The following XKR4 variants were observed in gnomAD, a reference collection of about 807,000 sequenced individuals.
XKR4 encodes the protein XK related 4.
XKR4 carries 12 observed loss-of-function variants against 53.9 expected under a neutral mutation model. That is an observed-to-expected ratio of 0.22 (90% CI 0.14 to 0.36). The LOEUF (loss-of-function observed/expected upper bound fraction) is 0.36. XKR4 is among the 10% of genes least tolerant of loss of function. XKR4 has a pLI of 1.00. For missense variants in XKR4, 799 were observed against 859.5 expected (o/e 0.93, Z 0.88); for synonymous variants, 354 against 362.4 (o/e 0.98, Z 0.26).
At chr8:55,368,619 G>A (rs937700214) in intron 2 of XKR4, among the ~76,000 whole-genome samples, 11 of 152,044 alleles carry the variant, frequency 7.2e-5, no homozygotes, top group African/African-American at 1.9e-4. Context: ...CTTACTCTGC[G>A]TGATTTTCTC....
intron 1 of XKR4, 149 bp from the exon 2 acceptor site, chr8:55,357,529 T>G: frequency 1.3e-6 from 1 of 747,654 alleles, no homozygotes; most frequent in East Asian, 2.7e-5. Flanking sequence ...CTTAAGCAGT[T>G]AACTTTGGAC....
chr8:55,102,709 C>A lies in XKR4; in HGVS notation c.221C>A (p.Ser74Tyr). The A allele has an allele frequency of 8.7e-7, 1 of 1,151,476 alleles. No individual in the cohort carries two copies. Among genetic ancestry groups the A allele is most frequent in the Non-Finnish European group, 1.1e-6 (1 of 934,302 alleles). 71.3% of individuals were successfully genotyped at this position (1,151,476 alleles called of 1,614,324 possible). ...TGCTGCTGCGCCGGGAGTGGCGGCT[C>A]CGCGGGCTCGGGCGGCTCCGGCGGC... is the stretch of plus-strand genomic sequence containing the variant. The part of the protein sequence containing the change: ...CCCCCAGSGG[S>Y]AGSGGSGGVA... Residue 74 changes from serine to tyrosine, a missense_variant, in exon 1 of 3, where the codon TCC becomes TAC. This residue lies in a region of XKR4 where 476 missense variants were observed against 505.4 expected (regional missense o/e 0.94). Coordinates refer to ENST00000327381, the MANE Select transcript of XKR4 (RefSeq NM_052898.2). The surrounding 1 kb of genome is among the most constrained non-coding windows in gnomAD (Gnocchi z 5.1).
chr8:55,421,881 G>T (rs202147191), intron 2 of XKR4, among the ~76,000 whole-genome samples: 1 of 152,188 alleles, frequency 6.6e-6, no homozygotes, highest in East Asian at 1.9e-4. Context: ...GTAGGGCTCA[G>T]AACAAAACGT....
At chr8:55,377,081 G>A (rs1480091057) in intron 2 of XKR4, among the ~76,000 whole-genome samples, 5 of 152,096 alleles carry the variant, frequency 3.3e-5, no homozygotes, top group Non-Finnish European at 4.4e-5. Context: ...GATGACAATG[G>A]CACTTGTCCC....
At chr8:55,162,612 T>C (rs530452700) in intron 1 of XKR4, among the ~76,000 whole-genome samples, 1 of 152,356 alleles carries the variant, frequency 6.6e-6, no homozygotes, top group East Asian at 1.9e-4. Flanking sequence ...TTGTTACTTT[T>C]AAAGCCAGGG....
chr8:55,373,476 A>G lies in XKR4; in HGVS notation c.1006+15599A>G, dbSNP rs190416229. ...ACCACCGCACCTGGCCAACACTCCAAAAATATTTTAAACATCCATAGTATT... is the reference window on the plus strand; with the variant it reads ...ACCACCGCACCTGGCCAACACTCCAGAAATATTTTAAACATCCATAGTATT... On this transcript the variant is annotated intron_variant, in intron 2 of 2. Transcript: ENST00000327381. 3.4e-4 allele frequency among the ~76,000 whole-genome samples: 52 copies of G among 152,342 alleles called. 1 individual carries two copies. The highest frequency in any genetic ancestry group is 3.3e-3 in the Admixed American group (51 of 15,308).
At chr8:55,171,799 C>T (rs986122074) in intron 1 of XKR4, among the ~76,000 whole-genome samples, 12 of 152,064 alleles carry the variant, frequency 7.9e-5, no homozygotes, top group African/African-American at 1.4e-4. Flanking sequence ...CCAGTATCCC[C>T]GAGCTACATT....
chr8:55,195,873 G>T (rs538371799), intron 1 of XKR4, among the ~76,000 whole-genome samples: 7 of 152,304 alleles, frequency 4.6e-5, no homozygotes, highest in African/African-American at 1.7e-4. Context: ...CAATACCACA[G>T]CTCAGGCCAC....
intron 1 of XKR4, among the ~76,000 whole-genome samples, chr8:55,170,786 A>G (rs1338560760): frequency 6.6e-6 from 1 of 152,168 alleles, no homozygotes; most frequent in Non-Finnish European, 1.5e-5. Flanking sequence ...CTTAGGCCCC[A>G]CAGTTTGAGT....
intron 2 of XKR4, among the ~76,000 whole-genome samples, chr8:55,408,222 CT>C (rs1804716059): frequency 6.6e-6 from 1 of 152,320 alleles, no homozygotes; most frequent in Admixed American, 6.5e-5. Flanking sequence ...ACCACCAGCT[CT>C]TTTATCTCAT....
chr8:55,205,598 C>A (rs1375586301), intron 1 of XKR4, among the ~76,000 whole-genome samples: 1 of 152,132 alleles, frequency 6.6e-6, no homozygotes, highest in Non-Finnish European at 1.5e-5. Context: ...AAAAATGTGA[C>A]CTAGAAAAAT....
intron 2 of XKR4, among the ~76,000 whole-genome samples, chr8:55,500,181 CAAAAA>C (rs36233927): frequency 8.7e-6 from 1 of 115,586 alleles, no homozygotes; most frequent in African/African-American, 4.0e-5. Context: ...CAAATTGGGC[CAAAAA>C]AAAAAAAAAA....
intron 1 of XKR4, among the ~76,000 whole-genome samples, chr8:55,236,466 A>T (rs2129367614): frequency 6.6e-6 from 1 of 152,288 alleles, no homozygotes; most frequent in South Asian, 2.1e-4. Context: ...TGTGAAGGGA[A>T]TCACCTGTGC....
At chr8:55,402,378 C>T (rs562717947) in intron 2 of XKR4, among the ~76,000 whole-genome samples, 131 of 152,282 alleles carry the variant, frequency 8.6e-4, no homozygotes, top group African/African-American at 2.9e-3. Flanking sequence ...GTCTTAGTGA[C>T]GTTGCTTTAA....
intron 2 of XKR4, among the ~76,000 whole-genome samples, chr8:55,400,157 G>A (rs900600111): frequency 1.3e-5 from 2 of 152,168 alleles, no homozygotes; most frequent in Non-Finnish European, 2.9e-5. Context: ...CCACACATAA[G>A]TCCACTTTCC....
chr8:55,172,147 G>C (rs1179708105), intron 1 of XKR4, among the ~76,000 whole-genome samples: 8 of 151,732 alleles, frequency 5.3e-5, no homozygotes, highest in Non-Finnish European at 1.0e-4. Flanking sequence ...CCAGGTTGTC[G>C]GGGGTGGCTG....
intron 2 of XKR4, among the ~76,000 whole-genome samples, chr8:55,480,085 A>C (rs566166913): frequency 6.6e-6 from 1 of 152,346 alleles, no homozygotes; most frequent in South Asian, 2.1e-4. Flanking sequence ...AAAGCCTGGC[A>C]GAGACACCAA....
intron 2 of XKR4, among the ~76,000 whole-genome samples, chr8:55,474,833 G>T (rs2129400475): frequency 6.6e-6 from 1 of 152,208 alleles, no homozygotes; most frequent in South Asian, 2.1e-4. Context: ...TGGACACCCA[G>T]GCACCACATT....
At position 55,378,115 on chromosome 8, in the gene XKR4, CTTG is replaced by C. The variant is rs370688657; in HGVS notation, c.1006+20244_1006+20246del. On this transcript the variant is annotated intron_variant, in intron 2 of 2. Coordinates refer to ENST00000327381, the MANE Select transcript of XKR4 (RefSeq NM_052898.2). Reference sequence around the variant, plus strand: ...GAATGTTGGGAAAAGGAGATCTGGTCTTGTTGTTATTTTCTGGTTTTGAAACAA... The same window carrying C: ...GAATGTTGGGAAAAGGAGATCTGGTCTTGTTATTTTCTGGTTTTGAAACAA... 7.9e-3 allele frequency among the ~76,000 whole-genome samples: 1,203 copies of C among 152,260 alleles called. 14 individuals are homozygous for C. Among genetic ancestry groups the C allele is most frequent in the African/African-American group, 0.027 (1,123 of 41,554 alleles).
Sources: gnomAD v4.1 joint callset for allele counts (sites outside exome capture counted in the v4.1 genomes callset) on GRCh38, gnomAD v4.1.1 for gene constraint, gnomAD v4.1.1 regional missense constraint, Gnocchi (gnomAD v3.1) non-coding constraint, MANE v1.5 for transcripts, NCBI Gene and HGNC (gene_info 2026-07-23, HGNC 2026-07-21) for gene names.